Variants in RANBP2 observed in about 807,000 individuals in gnomAD.
The protein encoded by RANBP2 is RAN binding protein 2.
Under a neutral mutation model 303.6 loss-of-function variants are expected in RANBP2, and 57 were observed. The ratio of observed to expected loss-of-function variants is 0.19; its 90% CI spans 0.15 to 0.23. The LOEUF (loss-of-function observed/expected upper bound fraction) is 0.23. Ranked by LOEUF, RANBP2 falls within the 10% of genes least tolerant of loss-of-function variation. The pLI, the probability that RANBP2 is intolerant of heterozygous loss-of-function variation, is 1.00. For synonymous variants in RANBP2, 1,167 were observed against 1,301.5 expected, an observed-to-expected ratio of 0.90 and a Z score of 2.23; for missense variants, 3,138 against 3,780.8, an observed-to-expected ratio of 0.83 and a Z score of 4.46.
At chr2:108,928,392 G>A in the RANBP2 span, among the ~76,000 whole-genome samples, 1 of 152,132 alleles carries the variant, frequency 6.6e-6, no homozygotes, top group Non-Finnish European at 1.5e-5. Flanking sequence ...CACTCTGAGT[G>A]TGCCTTATGC....
Position 108,764,489 on chromosome 2 carries a change from A to G in RANBP2, c.3950A>G (p.Asn1317Ser), listed in dbSNP as rs372816305. 3.7e-6 allele frequency: 6 copies of G among 1,613,946 alleles called. No individual in the cohort carries two copies. In the African/African-American group the frequency reaches 8.0e-5, roughly 22 times the overall value. Residue 1317 changes from asparagine (N) to serine (S), a missense_variant, in exon 20 of 29, where the codon AAT becomes AGT. Physicochemically the swap from Asn to Ser is conservative, Grantham distance 46. Transcript: ENST00000283195. The stretch of plus-strand genomic sequence containing the variant: ...GGAACAAATGTAGCCATGGCGTCAA[A>G]TCAGGCTGTCAGAATTGTAAAAGAA... The part of the protein sequence containing the change: ...APGTNVAMAS[N>S]QAVRIVKEPT...
At chr2:109,574,736 G>A in the RANBP2 span, 1 of 1,598,650 alleles carries the variant, frequency 6.3e-7, no homozygotes, top group Admixed American at 1.7e-5. Flanking sequence ...GCCTCAAACT[G>A]AGCATCTATG....
the RANBP2 span, among the ~76,000 whole-genome samples, chr2:108,962,532 G>A: frequency 2.0e-4 from 31 of 151,744 alleles, no homozygotes; most frequent in African/African-American, 5.8e-4. Context: ...AAAATTAGCC[G>A]GGCGTGGTGG....
At chr2:109,415,005 C>T in the RANBP2 span, among the ~76,000 whole-genome samples, 7 of 152,166 alleles carry the variant, frequency 4.6e-5, no homozygotes, top group Admixed American at 1.3e-4. Flanking sequence ...AAGGCCCTCC[C>T]GAGAGGGAAG....
intron 4 of RANBP2, chr2:108,731,907 G>A (rs1695195922): frequency 5.3e-6 from 1 of 190,296 alleles, no homozygotes; most frequent in Non-Finnish European, 1.1e-5. Context: ...TCAAGCAAAA[G>A]ACAAAAGGTG....
At chr2:109,512,438 A>G in the RANBP2 span, among the ~76,000 whole-genome samples, 2 of 152,042 alleles carry the variant, frequency 1.3e-5, no homozygotes, top group Non-Finnish European at 2.9e-5. Context: ...AGCTCCAGGT[A>G]TGCCCAGGGA....
At chr2:109,433,229 G>A in the RANBP2 span, among the ~76,000 whole-genome samples, 2 of 152,228 alleles carry the variant, frequency 1.3e-5, no homozygotes, top group South Asian at 2.1e-4. Flanking sequence ...ATATATAGAC[G>A]TGTGATATGT....
the RANBP2 span, among the ~76,000 whole-genome samples, chr2:109,527,098 A>G: frequency 6.6e-6 from 1 of 152,104 alleles, no homozygotes; most frequent in Non-Finnish European, 1.5e-5. Context: ...AGATGACCCT[A>G]CACACACACA....
At chr2:109,482,108 G>T in the RANBP2 span, among the ~76,000 whole-genome samples, 2 of 152,140 alleles carry the variant, frequency 1.3e-5, no homozygotes, top group African/African-American at 4.8e-5. Context: ...CAAGTCCCGG[G>T]TTCGAATGCG....
the RANBP2 span, among the ~76,000 whole-genome samples, chr2:109,450,160 A>G: frequency 6.6e-6 from 1 of 152,174 alleles, no homozygotes; most frequent in South Asian, 2.1e-4. Flanking sequence ...AGCCTGGCCA[A>G]CATGGCAAAA....
the RANBP2 span, among the ~76,000 whole-genome samples, chr2:109,702,750 T>C: frequency 9.2e-5 from 14 of 152,240 alleles, no homozygotes; most frequent in South Asian, 1.2e-3. Context: ...ACAGCCAGTT[T>C]ATTTCCCCAC....
chr2:108,957,607 CGTGGGTTAAGA>C, the RANBP2 span, among the ~76,000 whole-genome samples: 75 of 152,224 alleles, frequency 4.9e-4, no homozygotes, highest in African/African-American at 1.7e-3. Context: ...CCTGGATAAA[CGTGGGTTAAGA>C]GTAGGTGCCT....
chr2:108,878,086 T>G, the RANBP2 span, among the ~76,000 whole-genome samples: 1 of 152,178 alleles, frequency 6.6e-6, no homozygotes, highest in Admixed American at 6.5e-5. Flanking sequence ...AGAAATGACT[T>G]AAAGATTAAT....
chr2:109,474,930 C>A, the RANBP2 span, among the ~76,000 whole-genome samples: 1 of 152,200 alleles, frequency 6.6e-6, no homozygotes, highest in Non-Finnish European at 1.5e-5. Context: ...TAAAATAGCA[C>A]CTTTCAGTGT....
the RANBP2 span, among the ~76,000 whole-genome samples, chr2:109,344,463 T>A: frequency 2.0e-5 from 3 of 152,208 alleles, no homozygotes; most frequent in Non-Finnish European, 4.4e-5. Context: ...TGGGCAGGTA[T>A]GCTGAGGCCA....
the RANBP2 span, among the ~76,000 whole-genome samples, chr2:109,507,302 C>A: frequency 6.6e-6 from 1 of 152,162 alleles, no homozygotes; most frequent in African/African-American, 2.4e-5. Context: ...GTCTTGGAAT[C>A]GGTCAGGACC....
chr2:108,984,923 G>A, the RANBP2 span, among the ~76,000 whole-genome samples: 1 of 152,168 alleles, frequency 6.6e-6, no homozygotes, highest in Non-Finnish European at 1.5e-5. Flanking sequence ...GTGCATGCAG[G>A]ATTCTGTGCA....
rs1463982946 is a variant in RANBP2, at chr2:108,775,713, T to C, written c.8293-19T>C. Reference sequence around the variant, plus strand: ...TTAGCATTTAAGTGGCATAGTATTTTGTGACTTCCTCTTTGCAGAAATCTC... The same window carrying C: ...TTAGCATTTAAGTGGCATAGTATTTCGTGACTTCCTCTTTGCAGAAATCTC... On this transcript the variant is annotated intron_variant, in intron 23 of 28. Coordinates refer to ENST00000283195, the MANE Select transcript of RANBP2 (RefSeq NM_006267.5). 6.2e-7 allele frequency: 1 copy of C among 1,612,962 alleles called. No individual in the cohort carries two copies. Among genetic ancestry groups the C allele is most frequent in the South Asian group, 1.1e-5 (1 of 91,066 alleles).
chr2:109,415,646 C>T, the RANBP2 span, among the ~76,000 whole-genome samples: 1 of 152,138 alleles, frequency 6.6e-6, no homozygotes, highest in African/African-American at 2.4e-5. Flanking sequence ...GGACGCCGTG[C>T]CCTCAGACTG....
Sources: gnomAD v4.1 joint callset for allele counts (sites outside exome capture counted in the v4.1 genomes callset) on GRCh38, gnomAD v4.1.1 for gene constraint, MANE v1.5 for transcripts, NCBI Gene and HGNC (gene_info 2026-07-23, HGNC 2026-07-21) for gene names.